Variants in APBB2 observed in about 807,000 individuals in gnomAD.
APBB2 encodes Fe65-like 1.
In APBB2, 38 loss-of-function variants were observed where a neutral mutation model predicts 82.5. The ratio of observed to expected loss-of-function variants is 0.46; its 90% CI spans 0.36 to 0.60. APBB2 has a LOEUF of 0.60. Ranked by LOEUF, APBB2 falls within the 20% of genes least tolerant of loss-of-function variation. APBB2 has a pLI of 0.00. For synonymous variants in APBB2, 341 were observed against 368.2 expected (o/e 0.93, Z 0.85); for missense variants, 772 against 972.3 (o/e 0.79, Z 2.74).
chr4:40,823,151 T>A (rs1748596745), intron 16 of APBB2, among the ~76,000 whole-genome samples: 1 of 152,214 alleles, frequency 6.6e-6, no homozygotes. Context: ...TGTGTGATGC[T>A]GGGCAAATGA....
intron 6 of APBB2, among the ~76,000 whole-genome samples, chr4:40,974,514 G>T (rs766007636): frequency 6.6e-6 from 1 of 152,144 alleles, no homozygotes; most frequent in African/African-American, 2.4e-5. Flanking sequence ...AAAGGAGAAA[G>T]ATTTATAGTT....
chr4:41,134,299 G>A (rs1338984800), intron 2 of APBB2, among the ~76,000 whole-genome samples: 1 of 152,020 alleles, frequency 6.6e-6, no homozygotes, highest in Non-Finnish European at 1.5e-5. Context: ...ACTTTTTAGG[G>A]CCGGGCGCAG....
intron 10 of APBB2, among the ~76,000 whole-genome samples, chr4:40,912,147 G>GA (rs1778731429): frequency 6.6e-6 from 1 of 152,188 alleles, no homozygotes; most frequent in Non-Finnish European, 1.5e-5. Flanking sequence ...GGAAGAGTGG[G>GA]ATGGGAACCT....
At chr4:41,052,776 T>C (rs1404638496) in intron 4 of APBB2, among the ~76,000 whole-genome samples, 2 of 150,768 alleles carry the variant, frequency 1.3e-5, no homozygotes, top group Non-Finnish European at 3.0e-5. Context: ...CTTTCTTCTT[T>C]TTTTTTTTTT....
At chr4:40,858,061 A>T (rs1219927764) in intron 12 of APBB2, among the ~76,000 whole-genome samples, 4 of 151,980 alleles carry the variant, frequency 2.6e-5, no homozygotes, top group Non-Finnish European at 5.9e-5. Flanking sequence ...TTTATAGCTG[A>T]CTTGAAGCCA....
intron 1 of APBB2, among the ~76,000 whole-genome samples, chr4:41,177,252 G>A (rs1001801190): frequency 2.0e-5 from 3 of 152,080 alleles, no homozygotes; most frequent in African/African-American, 7.2e-5. Flanking sequence ...TCTGGGCAGT[G>A]AAAGACAGGA....
At chr4:41,151,481 C>G (rs1346150390) in intron 1 of APBB2, among the ~76,000 whole-genome samples, 1 of 152,142 alleles carries the variant, frequency 6.6e-6, no homozygotes, top group Non-Finnish European at 1.5e-5. Context: ...CTTCATCATT[C>G]CTTTTTGCAT....
chr4:41,127,038 T>C lies in APBB2; in HGVS notation c.-261+15949A>G, dbSNP rs1412810433. 6.6e-6 allele frequency among the ~76,000 whole-genome samples: 1 copy of C among 152,224 alleles called. No homozygotes were observed. The highest frequency in any genetic ancestry group is 1.5e-5 in the Non-Finnish European group (1 of 68,042). Reference sequence around the variant, plus strand: ...CATGGCAAGGTTCTATTTCCATTTATTCTTACCAGTGCCATGAGGCTAGAC... The same window carrying C: ...CATGGCAAGGTTCTATTTCCATTTACTCTTACCAGTGCCATGAGGCTAGAC... On this transcript the variant is annotated intron_variant, in intron 2 of 17. Coordinates refer to ENST00000508593, the MANE Select transcript of APBB2 (RefSeq NM_004307.2). The surrounding 1 kb of genome is among the most constrained non-coding windows in gnomAD (Gnocchi z 4.8).
chr4:40,843,861 C>T (rs1756701796), intron 12 of APBB2, among the ~76,000 whole-genome samples: 3 of 152,176 alleles, frequency 2.0e-5, no homozygotes, highest in Non-Finnish European at 2.9e-5. Context: ...ACAGCTACTA[C>T]ATGGGGAAGA....
At chr4:41,018,443 T>G (rs1810605960) in intron 5 of APBB2, among the ~76,000 whole-genome samples, 1 of 152,076 alleles carries the variant, frequency 6.6e-6, no homozygotes, top group African/African-American at 2.4e-5. Context: ...CAAGGGAGCC[T>G]GAACAAATCA....
At chr4:41,018,782 C>A (rs531153822) in intron 5 of APBB2, among the ~76,000 whole-genome samples, 1 of 152,258 alleles carries the variant, frequency 6.6e-6, no homozygotes, top group East Asian at 1.9e-4. Context: ...GGTAAGCTGG[C>A]CCCATTTTTA....
intron 4 of APBB2, among the ~76,000 whole-genome samples, chr4:41,055,735 T>C (rs1371540726): frequency 6.6e-6 from 1 of 152,224 alleles, no homozygotes; most frequent in Non-Finnish European, 1.5e-5. Context: ...ATTGTCTGTG[T>C]AGGCTTAAGT....
At chr4:41,192,893 AT>A (rs1214183895) in intron 1 of APBB2, among the ~76,000 whole-genome samples, 1 of 152,202 alleles carries the variant, frequency 6.6e-6, no homozygotes, top group African/African-American at 2.4e-5. Flanking sequence ...CACCTTATAA[AT>A]GATTTTTTTA....
chr4:40,945,887 C>A (rs747076823), intron 6 of APBB2, among the ~76,000 whole-genome samples: 2 of 152,220 alleles, frequency 1.3e-5, no homozygotes, highest in Non-Finnish European at 2.9e-5. Flanking sequence ...GGACTACAGG[C>A]GTGAGCCACT....
rs140370781 is a variant in APBB2 at position 41,040,239 on chromosome 4, G to C, written c.-50-6935C>G. Among the ~76,000 whole-genome samples the C allele has an allele frequency of 3.6e-3, 549 of 152,272 alleles. 6 individuals carry two copies. Among genetic ancestry groups the C allele is most frequent in the African/African-American group, 0.013 (522 of 41,568 alleles). On this transcript the variant is annotated intron_variant, in intron 4 of 17. Transcript: ENST00000508593. The stretch of plus-strand genomic sequence containing the variant: ...TTTAGTGATGAATACTTTTAAAGTA[G>C]ACATTGCATTCCAGGCTTAGATCTA...
At chr4:40,854,435 T>G (rs1457541794) in intron 12 of APBB2, among the ~76,000 whole-genome samples, 29 of 152,180 alleles carry the variant, frequency 1.9e-4, no homozygotes, top group Non-Finnish European at 4.4e-5. Context: ...AGTCATCTCT[T>G]AACACTCGGG....
chr4:41,142,249 G>C (rs940615665), intron 2 of APBB2, among the ~76,000 whole-genome samples: 1 of 152,140 alleles, frequency 6.6e-6, no homozygotes, highest in African/African-American at 2.4e-5. Context: ...TGCAATGTCT[G>C]TCCCTGTATA....
chr4:40,859,083 C>A (rs1203551877), intron 12 of APBB2, among the ~76,000 whole-genome samples: 5 of 152,142 alleles, frequency 3.3e-5, no homozygotes, highest in Non-Finnish European at 7.3e-5. Flanking sequence ...CTGTCTATAG[C>A]AGGGCAGAAG....
At position 40,907,348 on chromosome 4, in the gene APBB2, CATATATATAT is replaced by C. The variant is rs56302731; in HGVS notation, c.1255-13947_1255-13938del. 2.9e-4 allele frequency among the ~76,000 whole-genome samples: 28 copies of C among 97,322 alleles called. 1 individual carries two copies. The highest frequency in any genetic ancestry group is 1.0e-3 in the African/African-American group (25 of 24,474). 63.8% of individuals were successfully genotyped at this position (97,322 alleles called of 152,430 possible). ...TTATTTAATTTAATTTAATATATTA[CATATATATAT>C]ATATATATATATATATATATATTTT... is the stretch of plus-strand genomic sequence containing the variant. On this transcript the variant is annotated intron_variant, in intron 10 of 17. Transcript: ENST00000508593.
Sources: gnomAD v4.1 joint callset for allele counts (sites outside exome capture counted in the v4.1 genomes callset) on GRCh38, gnomAD v4.1.1 for gene constraint, Gnocchi (gnomAD v3.1) non-coding constraint, MANE v1.5 for transcripts, NCBI Gene and HGNC (gene_info 2026-07-23, HGNC 2026-07-21) for gene names.